Variants in OTOGL observed in about 807,000 individuals in gnomAD.
OTOGL encodes the protein otogelin-like protein.
In OTOGL, 285 loss-of-function variants were observed where a neutral mutation model predicts 318.5. That is an observed-to-expected ratio of 0.89 (90% CI 0.81 to 0.99). The LOEUF (loss-of-function observed/expected upper bound fraction) is 0.99. Ranked by LOEUF, OTOGL falls within the 50% of genes least tolerant of loss-of-function variation. OTOGL has a pLI of 0.00. For synonymous variants in OTOGL, 987 were observed against 936.5 expected, an observed-to-expected ratio of 1.05 and a Z score of -0.99; for missense variants, 2,899 against 2,845.6, an observed-to-expected ratio of 1.02 and a Z score of -0.43.
intron 6 of OTOGL, 59 bp from the exon 7 acceptor site, chr12:80,222,032 A>C (rs1167323079): frequency 1.3e-5 from 20 of 1,493,634 alleles, no homozygotes; most frequent in Non-Finnish European, 1.8e-5. Flanking sequence ...GACTGACTGA[A>C]CATTGCTAGA....
At chr12:80,324,874 C>A (rs1399466642) in intron 35 of OTOGL, among the ~76,000 whole-genome samples, 1 of 152,088 alleles carries the variant, frequency 6.6e-6, no homozygotes, top group East Asian at 1.9e-4. Context: ...AATAGAACTG[C>A]ATTTAATGAG....
chr12:80,243,285 T>G (rs1880539300), intron 11 of OTOGL, among the ~76,000 whole-genome samples: 1 of 151,994 alleles, frequency 6.6e-6, no homozygotes, highest in South Asian at 2.1e-4. Flanking sequence ...TTCTTTAAAG[T>G]ACTGGGAAAA....
intron 9 of OTOGL, among the ~76,000 whole-genome samples, chr12:80,235,894 CCTTT>C (rs1245979960): frequency 3.3e-5 from 5 of 152,238 alleles, no homozygotes; most frequent in East Asian, 1.9e-4. Flanking sequence ...CAAGAAACTG[CCTTT>C]CTATTTCCTC....
chr12:80,231,869 C>T (rs1242701569), intron 8 of OTOGL, among the ~76,000 whole-genome samples: 2 of 151,446 alleles, frequency 1.3e-5, no homozygotes, highest in Non-Finnish European at 2.9e-5. Flanking sequence ...GAACTCCTGA[C>T]CTTGTGATCC....
intron 25 of OTOGL, 24 bp from the exon 26 acceptor site, chr12:80,278,996 TTAGAAAGG>T: frequency 6.4e-7 from 1 of 1,561,990 alleles, no homozygotes; most frequent in East Asian, 2.3e-5. Context: ...AGTCGTTTCT[TTAGAAAGG>T]TAACTTTTGT....
chr12:80,358,742 G>A lies in OTOGL; in HGVS notation c.6193G>A (p.Val2065Ile), dbSNP rs1330950877. The change falls in exon 51 of 59, where the codon GTA (valine) becomes ATA (isoleucine). Residue 2065 changes from valine to isoleucine, a missense_variant. Physicochemically the swap from Val to Ile is conservative, Grantham distance 29. This residue lies in a region of OTOGL where 2,607 missense variants were observed against 2,524.9 expected (regional missense o/e 1.03). Transcript: ENST00000547103. ...AGATATGAATCTTGTGAAAGAAAAT[G>A]TATCTGGTCAATGTTGCCCAACATG... The part of the protein sequence containing the change: ...AEDMNLVKEN[V>I]SGQCCPTWHC... 1.9e-6 allele frequency: 3 copies of A among 1,612,334 alleles called. No individual in the cohort carries two copies. The highest frequency in any genetic ancestry group is 2.7e-5 in the African/African-American group (2 of 74,988).
At chr12:80,373,596 T>C (rs527973435) in intron 57 of OTOGL, among the ~76,000 whole-genome samples, 6 of 152,058 alleles carry the variant, frequency 3.9e-5, no homozygotes, top group South Asian at 2.1e-4. Context: ...TTTAGATATG[T>C]AGAGTCATAC....
At chr12:80,165,911 T>A (rs1873800049) in intron 1 of OTOGL, among the ~76,000 whole-genome samples, 1 of 152,200 alleles carries the variant, frequency 6.6e-6, no homozygotes, top group South Asian at 2.1e-4. Flanking sequence ...CAGTTACTCC[T>A]TCTGATTGTG....
chr12:80,330,586 A>G (rs1413292043), intron 37 of OTOGL, among the ~76,000 whole-genome samples: 1 of 152,224 alleles, frequency 6.6e-6, no homozygotes, highest in Non-Finnish European at 1.5e-5. Context: ...CCAAATTAAT[A>G]TTCAACATTA....
chr12:80,369,576 C>G (rs768806993), intron 55 of OTOGL, among the ~76,000 whole-genome samples: 2 of 152,030 alleles, frequency 1.3e-5, no homozygotes, highest in African/African-American at 2.4e-5. Context: ...AATAAAAAGC[C>G]TTATGATACA....
At chr12:80,271,569 A>G in intron 23 of OTOGL, 79 bp from the exon 24 acceptor site, 3 of 1,369,504 alleles carry the variant, frequency 2.2e-6, no homozygotes, top group Admixed American at 2.3e-5. Flanking sequence ...GAATAAACCT[A>G]TTTTATGAAT....
chr12:80,380,384 T>G lies in OTOGL; in HGVS notation c.*2336T>G, dbSNP rs1018338333. 6.6e-6 allele frequency: 1 copy of G among 151,460 alleles called. No individual in the cohort carries two copies. Among genetic ancestry groups the G allele is most frequent in the Non-Finnish European group, 1.5e-5 (1 of 67,782 alleles). 9.4% of individuals were successfully genotyped at this position (151,460 alleles called of 1,614,324 possible). Reference sequence around the variant, plus strand: ...ACATATCAGTGACACAGTCTAATCCTCCTGTATGTAAAGAACTCTTGAAAA... The same window carrying G: ...ACATATCAGTGACACAGTCTAATCCGCCTGTATGTAAAGAACTCTTGAAAA... On this transcript the variant is annotated 3_prime_UTR_variant, in exon 59 of 59. Coordinates refer to ENST00000547103, the MANE Select transcript of OTOGL (RefSeq NM_001378609.3).
At chr12:80,234,417 T>C (rs111508837) in intron 9 of OTOGL, among the ~76,000 whole-genome samples, 179 of 152,318 alleles carry the variant, frequency 1.2e-3, no homozygotes, top group African/African-American at 3.6e-3. Context: ...AGAGATGATT[T>C]GCCCCTATGT....
rs778001830 is a variant in OTOGL, at chr12:80,366,563, A to G, written c.6268-11A>G. The G allele has an allele frequency of 8.6e-7, 1 of 1,159,070 alleles. No homozygotes were observed. The highest frequency in any genetic ancestry group is 3.3e-5 in the East Asian group (1 of 30,636). 71.8% of individuals were successfully genotyped at this position (1,159,070 alleles called of 1,614,324 possible). A position where few individuals can be genotyped will look rare whatever the true frequency, so the allele number is the denominator to read the frequency against. The stretch of plus-strand genomic sequence containing the variant: ...GCTAAATGATAAGTAATAGTAGTAT[A>G]TTTTCAATAGGGAGAATTTACTGCA... On this transcript the variant is annotated splice_polypyrimidine_tract_variant and intron_variant, in intron 52 of 58. Coordinates refer to ENST00000547103, the MANE Select transcript of OTOGL (RefSeq NM_001378609.3).
intron 1 of OTOGL, among the ~76,000 whole-genome samples, chr12:80,128,528 C>T (rs1592475537): frequency 6.6e-6 from 1 of 152,202 alleles, no homozygotes; most frequent in Admixed American, 6.5e-5. Flanking sequence ...TCTCAGATCT[C>T]CAGCTGCGTG....
intron 55 of OTOGL, among the ~76,000 whole-genome samples, chr12:80,368,878 CAG>C (rs1256423199): frequency 6.7e-6 from 1 of 149,550 alleles, no homozygotes; most frequent in Non-Finnish European, 1.5e-5. Context: ...AGCAAATTAA[CAG>C]AGGTATCAAC....
intron 31 of OTOGL, among the ~76,000 whole-genome samples, 198 bp from the exon 32 acceptor site, chr12:80,314,107 T>A (rs1260888606): frequency 6.6e-6 from 1 of 152,104 alleles, no homozygotes; most frequent in Non-Finnish European, 1.5e-5. Flanking sequence ...ATTTTCCTAC[T>A]TTAAAACAAT....
intron 19 of OTOGL, among the ~76,000 whole-genome samples, chr12:80,263,079 C>G (rs75853939): frequency 0.037 from 5,622 of 152,186 alleles, 170 homozygotes; most frequent in Non-Finnish European, 0.056. Context: ...TTTGTGCTTT[C>G]TGTCTTTTTT....
chr12:80,375,023 A>G (rs776361095), intron 57 of OTOGL, among the ~76,000 whole-genome samples: 2 of 152,142 alleles, frequency 1.3e-5, no homozygotes, highest in Non-Finnish European at 2.9e-5. Flanking sequence ...AGGATCTTTC[A>G]ACTCTGCTAA....
Sources: allele counts gnomAD v4.1 joint callset (sites outside exome capture counted in the v4.1 genomes callset), GRCh38; gene constraint gnomAD v4.1.1; regional missense constraint gnomAD v4.1.1; transcripts MANE v1.5; gene names NCBI Gene and HGNC (gene_info 2026-07-23, HGNC 2026-07-21).